PRKD3: variants seen among roughly 807,000 people sequenced by gnomAD.
The protein encoded by PRKD3 is protein kinase D3.
Under a neutral mutation model 99.2 loss-of-function variants are expected in PRKD3, and 47 were observed. The observed-to-expected ratio is 0.47, with a 90% CI of 0.38 to 0.60. The LOEUF (loss-of-function observed/expected upper bound fraction) is 0.60. Ranked by LOEUF, PRKD3 falls within the 20% of genes least tolerant of loss-of-function variation. PRKD3 has a pLI of 0.00. For missense variants in PRKD3, 1,019 were observed against 1,088.4 expected, an observed-to-expected ratio of 0.94 and a Z score of 0.90; for synonymous variants, 392 against 355.4, an observed-to-expected ratio of 1.10 and a Z score of -1.16.
intron 8 of PRKD3, chr2:37,278,337 C>T (rs1160860842): frequency 1.2e-5 from 2 of 163,036 alleles, no homozygotes; most frequent in South Asian, 3.3e-4. Context: ...TTTTCCTGCC[C>T]TAGGCAGCAT....
chr2:37,274,347 A>C (rs1669452016), intron 11 of PRKD3, 74 bp downstream of exon 11: 1 of 1,520,034 alleles, frequency 6.6e-7, no homozygotes, highest in African/African-American at 1.4e-5. Context: ...AAAGGAACAA[A>C]GGAACACAAC....
intron 2 of PRKD3, among the ~76,000 whole-genome samples, chr2:37,307,346 G>T (rs1287681416): frequency 6.6e-6 from 1 of 152,136 alleles, no homozygotes; most frequent in African/African-American, 2.4e-5. Flanking sequence ...CATTCTAGAA[G>T]AACCCCTGGC....
At chr2:37,273,715 G>A (rs1264816536) in intron 11 of PRKD3, among the ~76,000 whole-genome samples, 1 of 152,180 alleles carries the variant, frequency 6.6e-6, no homozygotes, top group African/African-American at 2.4e-5. Context: ...TTGGAAAGTT[G>A]TTGATACTTA....
intron 2 of PRKD3, among the ~76,000 whole-genome samples, chr2:37,313,401 T>C (rs183287212): frequency 1.4e-4 from 21 of 149,466 alleles, no homozygotes; most frequent in African/African-American, 5.1e-4. Context: ...AATTATATAA[T>C]GTAATTCAAA....
chr2:37,286,744 G>T (rs1320921923), intron 5 of PRKD3, among the ~76,000 whole-genome samples: 3 of 152,072 alleles, frequency 2.0e-5, no homozygotes, highest in Non-Finnish European at 4.4e-5. Flanking sequence ...AATATATTTT[G>T]AAACACATTT....
rs1376910689 is a variant in PRKD3, at chr2:37,316,558, A to G, written c.-34T>C. On this transcript the variant is annotated 5_prime_UTR_variant, in exon 2 of 19. Transcript: ENST00000234179. ...CTTTAATCTTTTAAAATAGTTGTCGATTCTTTTTCAATGGTTATGAAGAGG... is the reference window on the plus strand; with the variant it reads ...CTTTAATCTTTTAAAATAGTTGTCGGTTCTTTTTCAATGGTTATGAAGAGG... 1 of 1,587,876 alleles carries G rather than the reference A, an allele frequency of 6.3e-7. No homozygotes were observed. The highest frequency in any genetic ancestry group is 1.2e-5 in the South Asian group (1 of 86,668).
chr2:37,321,892 T>C (rs1324938922), intron 1 of PRKD3, among the ~76,000 whole-genome samples: 1 of 152,256 alleles, frequency 6.6e-6, no homozygotes, highest in Non-Finnish European at 1.5e-5. Flanking sequence ...TATTAAATTC[T>C]TCAAAAAGAA....
chr2:37,271,710 G>C (rs1436426537), intron 12 of PRKD3, among the ~76,000 whole-genome samples: 1 of 152,180 alleles, frequency 6.6e-6, no homozygotes, highest in Non-Finnish European at 1.5e-5. Flanking sequence ...TGTTCCTTAT[G>C]AGAATCTGAT....
chr2:37,275,670 G>C (rs1669533495), intron 10 of PRKD3, 97 bp downstream of exon 10: 3 of 1,299,852 alleles, frequency 2.3e-6, no homozygotes, highest in South Asian at 3.7e-5. Flanking sequence ...ATACTAGCTA[G>C]AGTCATATAT....
chr2:37,254,872 G>A lies in PRKD3; in HGVS notation c.2414-583C>T, dbSNP rs181210327. ...ACACTTTTAACAAATAGGTTTCAGG[G>A]TGTTTTAGTGTACATGGTGAGTTCT... On this transcript the variant is annotated intron_variant, in intron 17 of 18. Coordinates refer to ENST00000234179, the MANE Select transcript of PRKD3 (RefSeq NM_005813.6). Among the ~76,000 whole-genome samples, 6 of 152,232 alleles carry A rather than the reference G, an allele frequency of 3.9e-5. No individual in the cohort carries two copies. The East Asian group carries it at 1.2e-3, about 29-fold the overall frequency.
intron 11 of PRKD3, among the ~76,000 whole-genome samples, chr2:37,273,871 A>G (rs577339377): frequency 2.0e-5 from 3 of 152,236 alleles, no homozygotes; most frequent in Non-Finnish European, 2.9e-5. Flanking sequence ...GCTTAATTAT[A>G]TAAGTTTTGT....
chr2:37,254,546 T>A (rs1457424826), intron 17 of PRKD3, among the ~76,000 whole-genome samples: 1 of 152,240 alleles, frequency 6.6e-6, no homozygotes, highest in Non-Finnish European at 1.5e-5. Context: ...CCTGACTGCC[T>A]GGGCTGAAGT....
Position 37,274,460 on chromosome 2 carries a change from C to T in PRKD3, c.1612G>A (p.Ala538Thr). 1.2e-6 allele frequency: 2 copies of T among 1,614,088 alleles called. No homozygotes were observed. The highest frequency in any genetic ancestry group is 1.7e-5 in the Admixed American group (1 of 59,998). ...TGCCCTGGAGAAGTGCAAACACTTG[C>T]TTGAGGAGTAACAGGCATGAGGGCT... The part of the protein sequence containing the change: ...RQALMPVTPQ[A>T]SVCTSPGQGK... Residue 538 changes from alanine (A) to threonine (T), a missense_variant, in exon 11 of 19, where the codon GCA becomes ACA. Physicochemically the swap from Ala to Thr is moderately conservative, Grantham distance 58 (BLOSUM62 0). Coordinates refer to ENST00000234179, the MANE Select transcript of PRKD3 (RefSeq NM_005813.6).
At chr2:37,323,441 G>A (rs1671968660) in intron 1 of PRKD3, among the ~76,000 whole-genome samples, 1 of 151,778 alleles carries the variant, frequency 6.6e-6, no homozygotes, top group African/African-American at 2.4e-5. Context: ...AACCTTCCAC[G>A]GTTTCTGTGT....
chr2:37,256,863 C>G lies in PRKD3; in HGVS notation c.2212G>C (p.Gly738Arg). Residue 738 changes from glycine (G) to arginine (R), a missense_variant, in exon 17 of 19, where the codon GGA becomes CGA. This residue lies in a region of PRKD3 where 184 missense variants were observed against 275.1 expected (regional missense o/e 0.67). Coordinates refer to ENST00000234179, the MANE Select transcript of PRKD3 (RefSeq NM_005813.6). ...GEKSFRRSVV[G>R]TPAYLAPEVL... ...TCAGGGGCTAAGTATGCTGGAGTTC[C>G]TACCACAGATCTCCTGAATGACTTT... 6.2e-7 allele frequency: 1 copy of G among 1,613,902 alleles called. No homozygotes were observed. Among genetic ancestry groups the G allele is most frequent in the Non-Finnish European group, 8.5e-7 (1 of 1,179,908 alleles).
chr2:37,316,824 T>C lies in PRKD3; in HGVS notation c.-300A>G. Reference sequence around the variant, plus strand: ...TGAGCTATCCTCAGCAGGATAGAGTTGACGTAGCTTATTTACGAATCTATT... The same window carrying C: ...TGAGCTATCCTCAGCAGGATAGAGTCGACGTAGCTTATTTACGAATCTATT... On this transcript the variant is annotated 5_prime_UTR_variant, in exon 2 of 19. Coordinates refer to ENST00000234179, the MANE Select transcript of PRKD3 (RefSeq NM_005813.6). 3 of 1,153,688 alleles carry C rather than the reference T, an allele frequency of 2.6e-6. No homozygotes were observed. Among genetic ancestry groups the C allele is most frequent in the Non-Finnish European group, 3.2e-6 (3 of 937,202 alleles). 71.5% of individuals were successfully genotyped at this position (1,153,688 alleles called of 1,614,324 possible). A position where few individuals can be genotyped will look rare whatever the true frequency, so the allele number is the denominator to read the frequency against.
At chr2:37,282,870 G>C (rs2058716) in intron 6 of PRKD3, among the ~76,000 whole-genome samples, 109,469 of 152,076 alleles carry the variant, frequency 0.72, 39,941 homozygotes, top group East Asian at 0.98. Context: ...CTTCTCTTAT[G>C]TCATATTCAT....
chr2:37,322,784 C>A (rs1671940763), intron 1 of PRKD3, among the ~76,000 whole-genome samples: 5 of 152,034 alleles, frequency 3.3e-5, no homozygotes. Context: ...ATAGCAAGTT[C>A]GATCTGAATT....
rs1326160325 is a variant in PRKD3, at chr2:37,286,159, GA to G, written c.910+17del. 1 of 1,546,522 alleles carries G rather than the reference GA, an allele frequency of 6.5e-7. No individual in the cohort carries two copies. The highest frequency in any genetic ancestry group is 8.8e-7 in the Non-Finnish European group (1 of 1,139,704). On this transcript the variant is annotated intron_variant, in intron 6 of 18. Transcript: ENST00000234179. ...AAAACAGACATAAATTTTAATTAGGGAAAACACCTAATCCTACCTTTACACT... is the reference window on the plus strand; with the variant it reads ...AAAACAGACATAAATTTTAATTAGGGAAACACCTAATCCTACCTTTACACT...
Sources: gnomAD v4.1 joint callset for allele counts (sites outside exome capture counted in the v4.1 genomes callset) on GRCh38, gnomAD v4.1.1 for gene constraint, gnomAD v4.1.1 regional missense constraint, MANE v1.5 for transcripts, NCBI Gene and HGNC (gene_info 2026-07-23, HGNC 2026-07-21) for gene names.